Variants in ATRNL1 observed in about 807,000 individuals in gnomAD.
The protein encoded by ATRNL1 is attractin-like protein 1.
In ATRNL1, 95 loss-of-function variants were observed where a neutral mutation model predicts 182.7. That is an observed-to-expected ratio of 0.52 (90% CI 0.44 to 0.62). The LOEUF (loss-of-function observed/expected upper bound fraction) is 0.62. ATRNL1 is among the 20% of genes least tolerant of loss of function. ATRNL1 has a pLI of 0.00. For synonymous variants in ATRNL1, 576 were observed against 568.3 expected (o/e 1.01, Z -0.19); for missense variants, 1,471 against 1,679.5 (o/e 0.88, Z 2.17).
chr10:115,537,516 T>C (rs1201576714), intron 25 of ATRNL1, among the ~76,000 whole-genome samples: 5 of 152,216 alleles, frequency 3.3e-5, no homozygotes, highest in African/African-American at 1.2e-4. Flanking sequence ...ATATATTATA[T>C]GTAAATTAGC....
intron 8 of ATRNL1, among the ~76,000 whole-genome samples, chr10:115,205,286 T>A (rs936341294): frequency 4.6e-5 from 7 of 151,776 alleles, no homozygotes; most frequent in Non-Finnish European, 8.8e-5. Flanking sequence ...ACTTTGCCTG[T>A]TTTTTTTCAA....
chr10:115,844,601 A>G (rs1035056486), intron 27 of ATRNL1, among the ~76,000 whole-genome samples: 2 of 152,118 alleles, frequency 1.3e-5, no homozygotes, highest in Non-Finnish European at 2.9e-5. Context: ...AAATAAGAGT[A>G]CAACAGTTTT....
At chr10:115,757,960 T>A (rs1463124754) in intron 27 of ATRNL1, among the ~76,000 whole-genome samples, 3 of 151,744 alleles carry the variant, frequency 2.0e-5, no homozygotes, top group Non-Finnish European at 4.4e-5. Context: ...CGGTTATTGA[T>A]ACTTGTGTAT....
chr10:115,802,051 A>ACACACACAAC (rs1412039169), intron 27 of ATRNL1, among the ~76,000 whole-genome samples: 2 of 11,242 alleles, frequency 1.8e-4, no homozygotes, highest in African/African-American at 5.7e-4. Flanking sequence ...CACACAAAAC[A>ACACACACAAC]AAAAAAAACA....
At chr10:115,308,123 T>C (rs1554926775) in intron 17 of ATRNL1, among the ~76,000 whole-genome samples, 1 of 152,172 alleles carries the variant, frequency 6.6e-6, no homozygotes, top group Admixed American at 6.5e-5. Flanking sequence ...AAATAGGATT[T>C]TGCAATATTC....
chr10:115,629,637 C>T (rs1858350380), intron 26 of ATRNL1, among the ~76,000 whole-genome samples: 1 of 152,146 alleles, frequency 6.6e-6, no homozygotes, highest in Admixed American at 6.5e-5. Flanking sequence ...GACTGCAGAG[C>T]AGAGAGTCAA....
chr10:115,739,033 A>G (rs770064677), intron 27 of ATRNL1, among the ~76,000 whole-genome samples: 3 of 152,134 alleles, frequency 2.0e-5, no homozygotes, highest in Admixed American at 6.5e-5. Context: ...CTATTGAAAT[A>G]TTATTTTTAT....
chr10:115,391,093 A>T (rs1236460454), intron 19 of ATRNL1, among the ~76,000 whole-genome samples: 1 of 152,202 alleles, frequency 6.6e-6, no homozygotes, highest in Non-Finnish European at 1.5e-5. Context: ...ATCAGCAAAC[A>T]GAAACAATTT....
intron 26 of ATRNL1, among the ~76,000 whole-genome samples, chr10:115,618,122 C>T (rs1555021442): frequency 1.3e-5 from 2 of 152,190 alleles, no homozygotes; most frequent in Admixed American, 6.5e-5. Context: ...GCTTCTTGTA[C>T]AGCCTGTGGA....
At chr10:115,517,705 CTAATT>C (rs1850711857) in intron 24 of ATRNL1, among the ~76,000 whole-genome samples, 1 of 151,650 alleles carries the variant, frequency 6.6e-6, no homozygotes, top group East Asian at 1.9e-4. Context: ...CTTAAATAAA[CTAATT>C]TTCTTTATTA....
intron 19 of ATRNL1, among the ~76,000 whole-genome samples, chr10:115,371,123 C>G (rs1351388063): frequency 6.6e-6 from 1 of 152,170 alleles, no homozygotes; most frequent in Non-Finnish European, 1.5e-5. Context: ...GGAACCTCTT[C>G]CTGGATTTCA....
Position 115,770,363 on chromosome 10 carries a change from C to G in ATRNL1, c.3903+43008C>G, listed in dbSNP as rs17093575. Among the ~76,000 whole-genome samples the G allele has an allele frequency of 2.4e-4, 36 of 152,050 alleles. No individual in the cohort carries two copies. In the East Asian group the frequency reaches 5.6e-3, roughly 24 times the overall value. Reference sequence around the variant, plus strand: ...ATAACTTGAGTACAGCAATAAAACTCAAAGGAAATGTAATCAGTGATACAG... The same window carrying G: ...ATAACTTGAGTACAGCAATAAAACTGAAAGGAAATGTAATCAGTGATACAG... On this transcript the variant is annotated intron_variant, in intron 27 of 28. Coordinates refer to ENST00000355044, the MANE Select transcript of ATRNL1 (RefSeq NM_207303.4).
intron 19 of ATRNL1, among the ~76,000 whole-genome samples, chr10:115,378,057 G>A (rs782272830): frequency 2.0e-5 from 3 of 152,130 alleles, no homozygotes; most frequent in Non-Finnish European, 2.9e-5. Flanking sequence ...CACTTCCCTG[G>A]TCTGTATCCG....
At chr10:115,580,983 T>G in intron 26 of ATRNL1, among the ~76,000 whole-genome samples, 1 of 152,182 alleles carries the variant, frequency 6.6e-6, no homozygotes, top group East Asian at 1.9e-4. Flanking sequence ...ATATGACTGT[T>G]TCTTTGAATT....
chr10:115,513,358 G>C (rs1003419637), intron 24 of ATRNL1, among the ~76,000 whole-genome samples: 2 of 152,124 alleles, frequency 1.3e-5, no homozygotes, highest in Non-Finnish European at 2.9e-5. Flanking sequence ...ACCCACGTGA[G>C]TAGTAGAAGA....
chr10:115,525,023 C>T (rs1416141716), intron 25 of ATRNL1, among the ~76,000 whole-genome samples: 2 of 151,858 alleles, frequency 1.3e-5, no homozygotes, highest in Admixed American at 1.3e-4. Context: ...ATCATTTTAC[C>T]CACTTTTCAA....
intron 26 of ATRNL1, among the ~76,000 whole-genome samples, chr10:115,647,158 C>T (rs1294628238): frequency 6.6e-6 from 1 of 152,034 alleles, no homozygotes; most frequent in African/African-American, 2.4e-5. Context: ...CGTAGTATTC[C>T]ATGGTGTATA....
chr10:115,936,523 C>T (rs540474164), intron 28 of ATRNL1, among the ~76,000 whole-genome samples: 67 of 152,130 alleles, frequency 4.4e-4, no homozygotes, highest in Admixed American at 1.8e-3. Context: ...TATAGTTTGA[C>T]GGTGATTTCT....
chr10:115,847,652 G>A (rs1589598734), intron 27 of ATRNL1, among the ~76,000 whole-genome samples: 2 of 152,106 alleles, frequency 1.3e-5, no homozygotes, highest in Non-Finnish European at 1.5e-5. Flanking sequence ...GCATAACTTT[G>A]TGGCTCACAA....
Sources: allele counts gnomAD v4.1 joint callset (sites outside exome capture counted in the v4.1 genomes callset), GRCh38; gene constraint gnomAD v4.1.1; transcripts MANE v1.5; gene names NCBI Gene and HGNC (gene_info 2026-07-23, HGNC 2026-07-21).